Variants in PON2 observed in about 807,000 individuals in gnomAD.
PON2 encodes paraoxonase 2.
PON2 carries 27 observed loss-of-function variants against 36.6 expected under a neutral mutation model. The observed-to-expected ratio is 0.74, with a 90% CI of 0.54 to 1.02. PON2 has a LOEUF of 1.02. Ranked by LOEUF, PON2 falls within the 50% of genes least tolerant of loss-of-function variation. PON2 has a pLI of 0.00. For synonymous variants in PON2, 149 were observed against 156.3 expected (o/e 0.95, Z 0.35); for missense variants, 363 against 421.1 (o/e 0.86, Z 1.21).
chr7:95,409,235 C>T (rs1809795019), intron 6 of PON2, among the ~76,000 whole-genome samples: 2 of 152,038 alleles, frequency 1.3e-5, no homozygotes, highest in East Asian at 3.9e-4. Context: ...TCACTTGAAC[C>T]CAGGAGGCGG....
intron 1 of PON2, among the ~76,000 whole-genome samples, chr7:95,431,323 A>C (rs191002606): frequency 4.1e-4 from 62 of 152,318 alleles, no homozygotes; most frequent in Admixed American, 2.3e-3. Context: ...TTGAATAATC[A>C]AACAGTAGGC....
chr7:95,423,892 AGCAAAAGGG>A (rs1476930113), intron 2 of PON2, among the ~76,000 whole-genome samples: 1 of 152,152 alleles, frequency 6.6e-6, no homozygotes, highest in African/African-American at 2.4e-5. Flanking sequence ...AGAAGTGCCG[AGCAAAAGGG>A]GGAAAAGCCC....
At chr7:95,406,881 TA>T in intron 7 of PON2, 105 bp downstream of exon 7, 1 of 681,522 alleles carries the variant, frequency 1.5e-6, no homozygotes, top group South Asian at 1.9e-5. Flanking sequence ...CCAGAATAGC[TA>T]CACTGGCATC....
intron 1 of PON2, among the ~76,000 whole-genome samples, chr7:95,430,884 T>C (rs1441239575): frequency 1.4e-5 from 2 of 139,894 alleles, no homozygotes; most frequent in Admixed American, 1.5e-4. Flanking sequence ...ATAAATGATT[T>C]AAAGGATGGT....
intron 1 of PON2, among the ~76,000 whole-genome samples, chr7:95,424,799 T>C (rs1052867254): frequency 6.8e-6 from 1 of 146,872 alleles, no homozygotes; most frequent in Non-Finnish European, 1.5e-5. Context: ...AAGTTCTATA[T>C]ACTGATGTGG....
At position 95,406,140 on chromosome 7, in the gene PON2, C is replaced by A; in HGVS notation, c.885G>T (p.Pro295=). The change falls in exon 8 of 9, where the codon CCG becomes CCT. Residue 295 remains proline, a synonymous_variant. Coordinates refer to ENST00000222572, the MANE Select transcript of PON2 (RefSeq NM_000305.3). ...PNGQKLFVYD[P]NNPPSSEVLR... Reference sequence around the variant, plus strand: ...AAACCTCTGACGAGGGAGGATTGTTCGGGTCATACACGAAGAGCTTCTGGC... The same window carrying A: ...AAACCTCTGACGAGGGAGGATTGTTAGGGTCATACACGAAGAGCTTCTGGC... The A allele has an allele frequency of 6.2e-7, 1 of 1,613,746 alleles. No individual in the cohort carries two copies. The highest frequency in any genetic ancestry group is 8.5e-7 in the Non-Finnish European group (1 of 1,179,760).
chr7:95,418,695 G>A (rs2116482233), intron 2 of PON2, among the ~76,000 whole-genome samples: 1 of 151,982 alleles, frequency 6.6e-6, no homozygotes, highest in African/African-American at 2.4e-5. Context: ...TTATTCTAGT[G>A]ATATACATTA....
intron 2 of PON2, among the ~76,000 whole-genome samples, chr7:95,417,639 AAC>A (rs1050768407): frequency 8.1e-5 from 12 of 148,892 alleles, no homozygotes; most frequent in African/African-American, 2.9e-4. Context: ...GAATCAGGGG[AAC>A]GCTACACCAC....
At chr7:95,431,355 A>C (rs1789437247) in intron 1 of PON2, among the ~76,000 whole-genome samples, 1 of 152,176 alleles carries the variant, frequency 6.6e-6, no homozygotes, top group Non-Finnish European at 1.5e-5. Context: ...GCAAAAATCA[A>C]ACATAAAGCC....
At chr7:95,428,366 A>G (rs996386035) in intron 1 of PON2, among the ~76,000 whole-genome samples, 37 of 152,198 alleles carry the variant, frequency 2.4e-4, no homozygotes, top group African/African-American at 8.7e-4. Context: ...TGACCAAGGA[A>G]TCCATGGGTA....
intron 3 of PON2, chr7:95,413,173 AG>A (rs1788977749): frequency 6.7e-6 from 1 of 149,954 alleles, no homozygotes; most frequent in Admixed American, 6.7e-5. Flanking sequence ...GAGCACTTGT[AG>A]TCCTAGCTGC....
intron 4 of PON2, 26 bp downstream of exon 4, chr7:95,412,286 A>C: frequency 6.2e-7 from 1 of 1,612,934 alleles, no homozygotes; most frequent in South Asian, 1.1e-5. Context: ...CACGTTACTA[A>C]ATGTTGGTAG....
intron 2 of PON2, chr7:95,424,148 G>C (rs970026519): frequency 3.5e-5 from 11 of 310,554 alleles, no homozygotes; most frequent in African/African-American, 2.4e-4. Flanking sequence ...GGTAAATGCT[G>C]TCACTGCCTA....
intron 1 of PON2, among the ~76,000 whole-genome samples, chr7:95,433,216 A>C (rs1789482556): frequency 6.6e-6 from 1 of 152,196 alleles, no homozygotes; most frequent in Non-Finnish European, 1.5e-5. Context: ...GGTAGACACC[A>C]TAGTTTATAA....
chr7:95,425,369 T>G (rs999922843), intron 1 of PON2, among the ~76,000 whole-genome samples: 1 of 152,186 alleles, frequency 6.6e-6, no homozygotes, highest in African/African-American at 2.4e-5. Context: ...TCTAATAGGA[T>G]GTCTTCCCCC....
At chr7:95,427,389 A>G (rs2116502020) in intron 1 of PON2, among the ~76,000 whole-genome samples, 1 of 152,072 alleles carries the variant, frequency 6.6e-6, no homozygotes, top group South Asian at 2.1e-4. Context: ...CAAAGCAAAT[A>G]TTTGCTTTCC....
At chr7:95,432,501 C>CT (rs1043721855) in intron 1 of PON2, among the ~76,000 whole-genome samples, 25 of 148,654 alleles carry the variant, frequency 1.7e-4, no homozygotes, top group South Asian at 1.3e-3. Flanking sequence ...TTTACTTTTT[C>CT]TTTTTTTTTT....
At chr7:95,431,059 G>A (rs1178714616) in intron 1 of PON2, among the ~76,000 whole-genome samples, 3 of 152,140 alleles carry the variant, frequency 2.0e-5, no homozygotes, top group Non-Finnish European at 2.9e-5. Flanking sequence ...ATGCACTCAA[G>A]CCTCATGATT....
intron 5 of PON2, 84 bp from the exon 6 acceptor site, chr7:95,410,185 C>T: frequency 8.6e-7 from 1 of 1,160,872 alleles, no homozygotes; most frequent in Non-Finnish European, 1.3e-6. Flanking sequence ...AAGATTTATG[C>T]AACATGTGCT....
Sources: gnomAD v4.1 joint callset for allele counts (sites outside exome capture counted in the v4.1 genomes callset) on GRCh38, gnomAD v4.1.1 for gene constraint, MANE v1.5 for transcripts, NCBI Gene and HGNC (gene_info 2026-07-23, HGNC 2026-07-21) for gene names.